Variants in RASGRF2 observed in about 807,000 individuals in gnomAD.
The protein encoded by RASGRF2 is Ras protein specific guanine nucleotide releasing factor 2.
A neutral mutation model predicts 151.0 loss-of-function variants in RASGRF2; 76 were observed. The ratio of observed to expected loss-of-function variants is 0.50; its 90% CI spans 0.42 to 0.61. The LOEUF (loss-of-function observed/expected upper bound fraction) is 0.61, where lower values mean the gene tolerates loss of function less well. Among genes scored for constraint, RASGRF2 ranks in the 20% least tolerant of loss-of-function variants. The pLI, the probability that RASGRF2 is intolerant of heterozygous loss-of-function variation, is 0.00. For synonymous variants in RASGRF2, 504 were observed against 566.5 expected (o/e 0.89, Z 1.57); for missense variants, 1,148 against 1,564.6 (o/e 0.73, Z 4.49).
intron 17 of RASGRF2, among the ~76,000 whole-genome samples, chr5:81,127,516 C>T (rs1269867781): frequency 6.6e-6 from 1 of 152,010 alleles, no homozygotes; most frequent in Non-Finnish European, 1.5e-5. Flanking sequence ...AAGTGAGACC[C>T]TATCTCGACA....
chr5:81,167,288 T>G (rs1754533978), intron 17 of RASGRF2, among the ~76,000 whole-genome samples: 1 of 152,202 alleles, frequency 6.6e-6, no homozygotes, highest in Admixed American at 6.5e-5. Context: ...AGGCCTGTTT[T>G]GTATCAGTCC....
At chr5:81,000,927 A>G (rs1749060708) in intron 1 of RASGRF2, among the ~76,000 whole-genome samples, 1 of 152,260 alleles carries the variant, frequency 6.6e-6, no homozygotes, top group Non-Finnish European at 1.5e-5. Flanking sequence ...TTAAAAAATA[A>G]GAATCTATTA....
intron 17 of RASGRF2, among the ~76,000 whole-genome samples, chr5:81,142,928 A>G (rs1165272225): frequency 3.9e-5 from 6 of 152,004 alleles, no homozygotes; most frequent in Admixed American, 3.9e-4. Flanking sequence ...TAATGCATCC[A>G]ACTGGGTCCT....
intron 26 of RASGRF2, among the ~76,000 whole-genome samples, chr5:81,220,204 A>T (rs971348895): frequency 6.6e-6 from 1 of 152,196 alleles, no homozygotes; most frequent in Admixed American, 6.5e-5. Flanking sequence ...AAAAAAATTA[A>T]GAATCTTTGA....
chr5:81,129,422 T>C (rs1753556782), intron 17 of RASGRF2, among the ~76,000 whole-genome samples: 1 of 152,194 alleles, frequency 6.6e-6, no homozygotes, highest in Admixed American at 6.5e-5. Flanking sequence ...TTAACTACCA[T>C]AGTACTTTAT....
chr5:81,219,008 A>AGGATGGCT lies in RASGRF2; in HGVS notation c.3553-701_3553-694dup, dbSNP rs375778979. On this transcript the variant is annotated intron_variant, in intron 25 of 26. Coordinates refer to ENST00000265080, the MANE Select transcript of RASGRF2 (RefSeq NM_006909.3). ...CATCCCCAAGGAGATGGGGAATCCAAGGATGGCTTCCTAAGACTGACCAGT... is the reference window on the plus strand; with the variant it reads ...CATCCCCAAGGAGATGGGGAATCCAAGGATGGCTGGATGGCTTCCTAAGACTGACCAGT... 3.2e-3 allele frequency among the ~76,000 whole-genome samples: 491 copies of AGGATGGCT among 152,210 alleles called. 4 individuals are homozygous for AGGATGGCT. Among genetic ancestry groups the AGGATGGCT allele is most frequent in the African/African-American group, 0.012 (481 of 41,524 alleles).
At chr5:81,056,114 T>G (rs1171165753) in intron 2 of RASGRF2, among the ~76,000 whole-genome samples, 2 of 152,210 alleles carry the variant, frequency 1.3e-5, no homozygotes, top group Admixed American at 1.3e-4. Flanking sequence ...GGGTTTTTTA[T>G]GTCTCTATCT....
intron 15 of RASGRF2, among the ~76,000 whole-genome samples, chr5:81,119,314 G>A (rs1753242455): frequency 6.6e-6 from 1 of 152,192 alleles, no homozygotes; most frequent in Non-Finnish European, 1.5e-5. Context: ...CTGGCATCTG[G>A]TGAGGGCCTT....
At chr5:81,063,434 A>T (rs538822419) in intron 2 of RASGRF2, among the ~76,000 whole-genome samples, 1 of 152,114 alleles carries the variant, frequency 6.6e-6, no homozygotes, top group Non-Finnish European at 1.5e-5. Context: ...TTTAGTAAAG[A>T]CAGAGTTTCA....
chr5:81,020,659 G>A (rs1749794837), intron 1 of RASGRF2, among the ~76,000 whole-genome samples: 1 of 152,150 alleles, frequency 6.6e-6, no homozygotes, highest in African/African-American at 2.4e-5. Context: ...TTTGCCAGAA[G>A]GCTCCAGGGG....
At chr5:80,995,255 CAAA>C (rs11369891) in intron 1 of RASGRF2, among the ~76,000 whole-genome samples, 1 of 118,120 alleles carries the variant, frequency 8.5e-6, no homozygotes. Flanking sequence ...GACTCCGTCT[CAAA>C]AAAAAAAAAA....
intron 1 of RASGRF2, among the ~76,000 whole-genome samples, chr5:80,987,038 T>G (rs1748495515): frequency 6.6e-6 from 1 of 152,232 alleles, no homozygotes; most frequent in Non-Finnish European, 1.5e-5. Context: ...TTTCTTTGCT[T>G]GAAATGCTCT....
At chr5:81,143,908 T>TA (rs1753944668) in intron 17 of RASGRF2, among the ~76,000 whole-genome samples, 1 of 149,642 alleles carries the variant, frequency 6.7e-6, no homozygotes, top group Admixed American at 6.7e-5. Context: ...AAAAAAAGAC[T>TA]AAAAAAATTC....
chr5:81,176,329 T>G (rs1454263576), intron 17 of RASGRF2, among the ~76,000 whole-genome samples: 2 of 152,146 alleles, frequency 1.3e-5, no homozygotes, highest in East Asian at 3.9e-4. Context: ...CCCCAAGAAG[T>G]CCTTGTACCA....
chr5:81,030,946 T>A (rs999932384), intron 1 of RASGRF2, among the ~76,000 whole-genome samples: 1 of 152,082 alleles, frequency 6.6e-6, no homozygotes, highest in African/African-American at 2.4e-5. Flanking sequence ...AATAAAGGGA[T>A]GGAGGAAGAT....
chr5:81,224,996 T>C (rs1020600115), intron 26 of RASGRF2, among the ~76,000 whole-genome samples: 1 of 152,226 alleles, frequency 6.6e-6, no homozygotes, highest in Non-Finnish European at 1.5e-5. Context: ...ACTATCTATT[T>C]CACTTTTGTG....
chr5:80,979,286 G>A (rs1261205149), intron 1 of RASGRF2, among the ~76,000 whole-genome samples: 1 of 152,200 alleles, frequency 6.6e-6, no homozygotes, highest in Non-Finnish European at 1.5e-5. Context: ...AGTACAATCT[G>A]TGAATTAAAA....
At chr5:81,221,867 C>T (rs1198916563) in intron 26 of RASGRF2, among the ~76,000 whole-genome samples, 1 of 152,150 alleles carries the variant, frequency 6.6e-6, no homozygotes, top group Non-Finnish European at 1.5e-5. Flanking sequence ...ATCCCAGCTA[C>T]CTGGGAGGCT....
At chr5:81,161,903 C>T (rs577857216) in intron 17 of RASGRF2, among the ~76,000 whole-genome samples, 2 of 149,454 alleles carry the variant, frequency 1.3e-5, no homozygotes, top group Admixed American at 6.6e-5. Context: ...TTTTGCCAGT[C>T]AGACCGTTTT....
Sources: gnomAD v4.1 joint callset for allele counts (sites outside exome capture counted in the v4.1 genomes callset) on GRCh38, gnomAD v4.1.1 for gene constraint, MANE v1.5 for transcripts, NCBI Gene and HGNC (gene_info 2026-07-23, HGNC 2026-07-21) for gene names.